The following ACVR1 variants were observed in gnomAD, a reference collection of about 807,000 sequenced individuals.
The protein encoded by ACVR1 is activin receptor type-1.
A neutral mutation model predicts 57.1 loss-of-function variants in ACVR1; 38 were observed. The ratio of observed to expected loss-of-function variants is 0.67; its 90% CI spans 0.51 to 0.87. ACVR1 has a LOEUF of 0.87. ACVR1 is among the 40% of genes least tolerant of loss of function. ACVR1 has a pLI of 0.00. For synonymous variants in ACVR1, 212 were observed against 228.1 expected (o/e 0.93, Z 0.63); for missense variants, 463 against 638.2 (o/e 0.73, Z 2.96).
rs548489627 is a variant in ACVR1 at position 157,788,182 on chromosome 2, G to T, written c.68-7582C>A. On this transcript the variant is annotated intron_variant, in intron 3 of 10. Transcript: ENST00000434821. Reference sequence around the variant, plus strand: ...CTATCCTGCCCCACAGAAAAGCACAGAGTGAACAAAGTAACTTCCAGACTA... The same window carrying T: ...CTATCCTGCCCCACAGAAAAGCACATAGTGAACAAAGTAACTTCCAGACTA... Among the ~76,000 whole-genome samples, 294 of 152,258 alleles carry T rather than the reference G, an allele frequency of 1.9e-3. 3 individuals are homozygous for T. The highest frequency in any genetic ancestry group is 3.7e-3 in the Non-Finnish European group (250 of 68,016).
At chr2:157,816,051 G>A (rs2105326260) in intron 2 of ACVR1, among the ~76,000 whole-genome samples, 1 of 152,178 alleles carries the variant, frequency 6.6e-6, no homozygotes, top group African/African-American at 2.4e-5. Context: ...TGCTTAAAAG[G>A]AAAAATATCC....
intron 1 of ACVR1, among the ~76,000 whole-genome samples, chr2:157,873,076 T>C (rs1016907157): frequency 2.0e-5 from 3 of 152,196 alleles, no homozygotes; most frequent in African/African-American, 7.2e-5. Flanking sequence ...AATGATGTCT[T>C]TAGGTTCTTT....
intron 9 of ACVR1, among the ~76,000 whole-genome samples, chr2:157,758,925 T>A (rs1020639448): frequency 1.3e-5 from 2 of 151,392 alleles, no homozygotes; most frequent in African/African-American, 2.4e-5. Flanking sequence ...AAGAAGGAAA[T>A]AAAAAAAATT....
At chr2:157,774,526 G>A (rs113946033) in intron 5 of ACVR1, among the ~76,000 whole-genome samples, 15 of 152,138 alleles carry the variant, frequency 9.9e-5, no homozygotes, top group African/African-American at 1.9e-4. Flanking sequence ...CACCACGCCC[G>A]GCTAATTTTG....
At chr2:157,793,949 G>C (rs531653240) in intron 3 of ACVR1, among the ~76,000 whole-genome samples, 1 of 152,262 alleles carries the variant, frequency 6.6e-6, no homozygotes, top group South Asian at 2.1e-4. Flanking sequence ...AAATAATTTA[G>C]TACCTAGCAG....
chr2:157,820,867 C>T (rs1048793293), intron 1 of ACVR1, among the ~76,000 whole-genome samples: 1 of 152,128 alleles, frequency 6.6e-6, no homozygotes, highest in Non-Finnish European at 1.5e-5. Context: ...CTGTTTGGCC[C>T]TCTTTCACGA....
chr2:157,740,475 T>G (rs1237218520), intron 9 of ACVR1, among the ~76,000 whole-genome samples: 1 of 152,168 alleles, frequency 6.6e-6, no homozygotes, highest in East Asian at 1.9e-4. Flanking sequence ...TTATGCGTTT[T>G]CTAGGGTCAC....
rs141392534 is a variant in ACVR1, at chr2:157,858,004, C to T, written c.-183+17792G>A. ...AAACCCATATTTATTCCCTAAGGTC[C>T]CACACTATGCCAGGCTTTTTCGTCA... On this transcript the variant is annotated intron_variant, in intron 1 of 10. Transcript: ENST00000434821. 1.7e-3 allele frequency among the ~76,000 whole-genome samples: 264 copies of T among 151,992 alleles called. 1 individual carries two copies. Among genetic ancestry groups the T allele is most frequent in the African/African-American group, 6.1e-3 (254 of 41,472 alleles).
At chr2:157,813,641 T>C (rs1019020608) in intron 2 of ACVR1, among the ~76,000 whole-genome samples, 3 of 152,128 alleles carry the variant, frequency 2.0e-5, no homozygotes, top group African/African-American at 7.2e-5. Context: ...ACAGCAACAA[T>C]TACTAGAACC....
chr2:157,797,031 A>C (rs568017435), intron 3 of ACVR1, among the ~76,000 whole-genome samples: 1 of 152,356 alleles, frequency 6.6e-6, no homozygotes, highest in African/African-American at 2.4e-5. Context: ...CACCTAATGT[A>C]ATTTAAGTTT....
chr2:157,809,909 T>C (rs373109579), intron 2 of ACVR1, among the ~76,000 whole-genome samples: 1 of 151,942 alleles, frequency 6.6e-6, no homozygotes, highest in Non-Finnish European at 1.5e-5. Flanking sequence ...ACCCCATCTC[T>C]ACAAAAAATA....
At chr2:157,851,184 A>G (rs1689290785) in intron 1 of ACVR1, among the ~76,000 whole-genome samples, 2 of 152,154 alleles carry the variant, frequency 1.3e-5, no homozygotes, top group Admixed American at 6.5e-5. Flanking sequence ...TAAATTTAAG[A>G]TCCCATATGC....
chr2:157,819,095 A>C (rs1414346760), intron 1 of ACVR1, among the ~76,000 whole-genome samples: 3 of 150,836 alleles, frequency 2.0e-5, no homozygotes, highest in African/African-American at 7.3e-5. Context: ...AAAAAAAAAA[A>C]AAAAAAAACC....
At chr2:157,791,467 C>T (rs1037418791) in intron 3 of ACVR1, among the ~76,000 whole-genome samples, 24 of 152,098 alleles carry the variant, frequency 1.6e-4, no homozygotes, top group Non-Finnish European at 4.4e-5. Context: ...AACTGCACAC[C>T]AGGTAATGTC....
intron 1 of ACVR1, among the ~76,000 whole-genome samples, chr2:157,846,072 A>G (rs544302951): frequency 6.6e-6 from 1 of 152,336 alleles, no homozygotes; most frequent in Admixed American, 6.5e-5. Flanking sequence ...ATGTGATTAA[A>G]TTAAGAGTTT....
rs1268798832 is a variant in ACVR1 at position 157,737,374 on chromosome 2, C to T, written c.*157G>A. 2 of 980,326 alleles carry T rather than the reference C, an allele frequency of 2.0e-6. No individual in the cohort carries two copies. Among genetic ancestry groups the T allele is most frequent in the East Asian group, 5.2e-5 (2 of 38,268 alleles). The allele number at this position is 980,326 out of a possible 1,614,324, so 60.7% of individuals were successfully genotyped here. A position where few individuals can be genotyped will look rare whatever the true frequency, so the allele number is the denominator to read the frequency against. On this transcript the variant is annotated 3_prime_UTR_variant, in exon 11 of 11. Coordinates refer to ENST00000434821, the MANE Select transcript of ACVR1 (RefSeq NM_001111067.4). Reference sequence around the variant, plus strand: ...GAGGTTAGGGTGGTTTTGATGTCTCCCCAACACATGGCTGGGTACGACGTC... The same window carrying T: ...GAGGTTAGGGTGGTTTTGATGTCTCTCCAACACATGGCTGGGTACGACGTC...
chr2:157,750,281 G>A (rs1685133001), intron 9 of ACVR1, among the ~76,000 whole-genome samples: 1 of 152,212 alleles, frequency 6.6e-6, no homozygotes, highest in Non-Finnish European at 1.5e-5. Context: ...GCTGGCCCTT[G>A]AGCAAGATGC....
rs1274720667 is a variant in ACVR1, at chr2:157,851,876, C to T, written c.-183+23920G>A. 4.1e-3 allele frequency among the ~76,000 whole-genome samples: 14 copies of T among 3,450 alleles called. No homozygotes were observed. In the East Asian group the frequency reaches 0.2, roughly 49 times the overall value. 2.3% of individuals were successfully genotyped at this position (3,450 alleles called of 152,430 possible). ...AGAGAAACACACACACACACACACA[C>T]ACACACACACACACACACACACACA... On this transcript the variant is annotated intron_variant, in intron 1 of 10. Coordinates refer to ENST00000434821, the MANE Select transcript of ACVR1 (RefSeq NM_001111067.4).
At chr2:157,812,679 C>T (rs1259932459) in intron 2 of ACVR1, among the ~76,000 whole-genome samples, 3 of 152,286 alleles carry the variant, frequency 2.0e-5, no homozygotes, top group East Asian at 1.9e-4. Flanking sequence ...AAACAATTAG[C>T]CCAGGTTGGT....
Sources: gnomAD v4.1 joint callset for allele counts (sites outside exome capture counted in the v4.1 genomes callset) on GRCh38, gnomAD v4.1.1 for gene constraint, MANE v1.5 for transcripts, NCBI Gene and HGNC (gene_info 2026-07-23, HGNC 2026-07-21) for gene names.